KHDRBS2: variants seen among roughly 807,000 people sequenced by gnomAD.
The protein encoded by KHDRBS2 is KH domain-containing, RNA-binding, signal transduction-associated protein 2.
A neutral mutation model predicts 44.3 loss-of-function variants in KHDRBS2; 26 were observed. The ratio of observed to expected loss-of-function variants is 0.59; its 90% CI spans 0.43 to 0.81. The LOEUF is 0.81. KHDRBS2 is among the 40% of genes least tolerant of loss of function. The pLI, the probability that KHDRBS2 is intolerant of heterozygous loss-of-function variation, is 0.00. For synonymous variants in KHDRBS2, 194 were observed against 151.1 expected, an observed-to-expected ratio of 1.28 and a Z score of -2.08; for missense variants, 476 against 433.1, an observed-to-expected ratio of 1.10 and a Z score of -0.88.
At position 62,285,981 on chromosome 6, in the gene KHDRBS2, G is replaced by T; in HGVS notation, c.-33C>A. The T allele has an allele frequency of 5.1e-6, 7 of 1,366,598 alleles. No individual in the cohort carries two copies. Among genetic ancestry groups the T allele is most frequent in the Non-Finnish European group, 7.3e-6 (7 of 961,724 alleles). The allele number at this position is 1,366,598 out of a possible 1,614,324, so 84.7% of individuals were successfully genotyped here. Reference sequence around the variant, plus strand: ...ACTTCGGATTGTCCCCGGGCGAAGCGCGAGGTTCCGCTCGCTCGGACGCAG... The same window carrying T: ...ACTTCGGATTGTCCCCGGGCGAAGCTCGAGGTTCCGCTCGCTCGGACGCAG... On this transcript the variant is annotated 5_prime_UTR_variant, in exon 1 of 9. Transcript: ENST00000281156.
intron 2 of KHDRBS2, among the ~76,000 whole-genome samples, chr6:62,102,232 A>T (rs1487045609): frequency 6.6e-6 from 1 of 152,220 alleles, no homozygotes; most frequent in African/African-American, 2.4e-5. Context: ...ATGATAGTTG[A>T]GTTGTTAACG....
chr6:62,178,074 G>A (rs1469138857), intron 1 of KHDRBS2, among the ~76,000 whole-genome samples: 1 of 151,354 alleles, frequency 6.6e-6, no homozygotes, highest in Non-Finnish European at 1.5e-5. Context: ...TGTGGAAAAG[G>A]AACAGTGAGA....
chr6:61,806,956 T>A (rs1360391630), intron 6 of KHDRBS2, among the ~76,000 whole-genome samples: 1 of 152,164 alleles, frequency 6.6e-6, no homozygotes. Flanking sequence ...AATCATTTTT[T>A]TTAGGATGAA....
At chr6:62,061,936 G>A (rs1343316763) in intron 2 of KHDRBS2, among the ~76,000 whole-genome samples, 10 of 151,234 alleles carry the variant, frequency 6.6e-5, no homozygotes, top group African/African-American at 1.7e-4. Context: ...ATCTTCCATC[G>A]CTGATACCCT....
At chr6:61,708,452 G>A (rs1440108883) in intron 7 of KHDRBS2, among the ~76,000 whole-genome samples, 1 of 151,340 alleles carries the variant, frequency 6.6e-6, no homozygotes, top group African/African-American at 2.4e-5. Flanking sequence ...GGCTCTCACA[G>A]ACTAACAAAG....
At chr6:61,704,908 G>A (rs952328967) in intron 7 of KHDRBS2, among the ~76,000 whole-genome samples, 10 of 151,670 alleles carry the variant, frequency 6.6e-5, no homozygotes, top group Admixed American at 2.6e-4. Context: ...AAATTAAAAC[G>A]TGAGAAAATT....
At chr6:61,634,725 T>G in the KHDRBS2 span, among the ~76,000 whole-genome samples, 1 of 152,088 alleles carries the variant, frequency 6.6e-6, no homozygotes, top group Non-Finnish European at 1.5e-5. Context: ...GGCTCAGAGT[T>G]GATTTAATCA....
At chr6:61,649,517 A>G in the KHDRBS2 span, among the ~76,000 whole-genome samples, 2 of 152,170 alleles carry the variant, frequency 1.3e-5, no homozygotes, top group African/African-American at 2.4e-5. Flanking sequence ...ACATCAGTAT[A>G]AATCAGTATA....
intron 2 of KHDRBS2, among the ~76,000 whole-genome samples, chr6:62,087,029 A>G (rs1798522915): frequency 6.6e-6 from 1 of 152,156 alleles, no homozygotes; most frequent in African/African-American, 2.4e-5. Context: ...GTTTAACTCA[A>G]TACAAAAACA....
intron 4 of KHDRBS2, among the ~76,000 whole-genome samples, chr6:61,917,112 A>T (rs1807170875): frequency 6.6e-6 from 1 of 151,630 alleles, no homozygotes; most frequent in South Asian, 2.1e-4. Context: ...AAACGAGTTG[A>T]AAACTTACAT....
intron 4 of KHDRBS2, among the ~76,000 whole-genome samples, chr6:61,954,654 A>G (rs1480873666): frequency 7.6e-6 from 1 of 132,152 alleles, no homozygotes; most frequent in Non-Finnish European, 1.6e-5. Context: ...ACTTATGTAT[A>G]CATACATATG....
At chr6:61,650,671 T>C in the KHDRBS2 span, among the ~76,000 whole-genome samples, 1 of 151,924 alleles carries the variant, frequency 6.6e-6, no homozygotes, top group Admixed American at 6.6e-5. Context: ...AGCCCTTGAA[T>C]GAACACATTT....
intron 3 of KHDRBS2, among the ~76,000 whole-genome samples, chr6:61,996,607 A>G (rs1243703390): frequency 2.0e-5 from 3 of 152,176 alleles, no homozygotes; most frequent in African/African-American, 7.2e-5. Context: ...TGAAAAGGCA[A>G]CTTTCTCCAG....
At chr6:61,728,601 A>G (rs1773952366) in intron 7 of KHDRBS2, among the ~76,000 whole-genome samples, 1 of 152,220 alleles carries the variant, frequency 6.6e-6, no homozygotes, top group Admixed American at 6.5e-5. Context: ...CAGCCATTAA[A>G]GATTATGTTG....
chr6:61,822,101 A>G (rs2127252738), intron 6 of KHDRBS2, among the ~76,000 whole-genome samples: 1 of 152,164 alleles, frequency 6.6e-6, no homozygotes, highest in Admixed American at 6.6e-5. Context: ...CTCTAGGGAT[A>G]AACACCAGGT....
intron 6 of KHDRBS2, among the ~76,000 whole-genome samples, chr6:61,828,934 A>G (rs1455595315): frequency 6.6e-6 from 1 of 152,218 alleles, no homozygotes; most frequent in Non-Finnish European, 1.5e-5. Flanking sequence ...ATTTCTCTTC[A>G]TTAGTATACA....
At position 61,848,513 on chromosome 6, in the gene KHDRBS2, ATATATGTATATATATATACATATATATG is replaced by A. The variant is rs1453403115; in HGVS notation, c.810+46094_810+46121del. Among the ~76,000 whole-genome samples the A allele has an allele frequency of 2.3e-4, 11 of 47,080 alleles. 1 individual carries two copies. In the East Asian group the frequency reaches 5.9e-3, roughly 25 times the overall value. The allele number at this position is 47,080 out of a possible 152,430, so 30.9% of individuals were successfully genotyped here. A position where few individuals can be genotyped will look rare whatever the true frequency, so the allele number is the denominator to read the frequency against. ...TATGTATATATATATATATATATGTATATATGTATATATATATACATATATATGTATATATATACATATATATATGTAT... is the reference window on the plus strand; with the variant it reads ...TATGTATATATATATATATATATGTATATATATATACATATATATATGTAT... On this transcript the variant is annotated intron_variant, in intron 6 of 8. Transcript: ENST00000281156.
Position 61,892,915 on chromosome 6 carries a change from A to G in KHDRBS2, c.810+1720T>C, listed in dbSNP as rs1411840584. On this transcript the variant is annotated intron_variant, in intron 6 of 8. Coordinates refer to ENST00000281156, the MANE Select transcript of KHDRBS2 (RefSeq NM_152688.4). ...AAATTGACAAATGGGACCTAATTAA[A>G]CTAAAGAGCTTCTGCACAGCAAAAG... is the stretch of plus-strand genomic sequence containing the variant. Among the ~76,000 whole-genome samples, 15 of 152,260 alleles carry G rather than the reference A, an allele frequency of 9.9e-5. No homozygotes were observed. In the South Asian group the frequency reaches 3.1e-3, roughly 32 times the overall value.
chr6:61,795,644 C>A (rs1435622267), intron 6 of KHDRBS2, among the ~76,000 whole-genome samples: 5 of 152,108 alleles, frequency 3.3e-5, no homozygotes, highest in Non-Finnish European at 5.9e-5. Context: ...GTTTTACTTG[C>A]CACAATTTTC....
Sources: allele counts gnomAD v4.1 joint callset (sites outside exome capture counted in the v4.1 genomes callset), GRCh38; gene constraint gnomAD v4.1.1; transcripts MANE v1.5; gene names NCBI Gene and HGNC (gene_info 2026-07-23, HGNC 2026-07-21).